Variants in TNFRSF19 observed in about 807,000 individuals in gnomAD.
TNFRSF19 encodes TNF receptor superfamily member 19.
A neutral mutation model predicts 46.4 loss-of-function variants in TNFRSF19; 27 were observed. The observed-to-expected ratio is 0.58, with a 90% CI of 0.43 to 0.80. The LOEUF (loss-of-function observed/expected upper bound fraction) is 0.80, where lower values mean the gene tolerates loss of function less well. TNFRSF19 is among the 30% of genes least tolerant of loss of function. The probability of loss-of-function intolerance (pLI) is 0.00; values close to 1 mark genes in which losing one functional copy is unlikely to be tolerated. For missense variants in TNFRSF19, 511 were observed against 530.8 expected, an observed-to-expected ratio of 0.96 and a Z score of 0.37; for synonymous variants, 204 against 205.0, an observed-to-expected ratio of 1.00 and a Z score of 0.04.
At chr13:23,629,364 C>T (rs1406497970) in intron 5 of TNFRSF19, among the ~76,000 whole-genome samples, 1 of 152,198 alleles carries the variant, frequency 6.6e-6, no homozygotes, top group Non-Finnish European at 1.5e-5. Context: ...GCTGCATGCT[C>T]TACAGCAGCT....
chr13:23,570,655 T>C lies in TNFRSF19; in HGVS notation c.-228T>C, dbSNP rs540157805. ...CATATATATAAACTCAGCCCTGCCT[T>C]TGATGTTCAGCAACTGATTCACTGA... is the stretch of plus-strand genomic sequence containing the variant. On this transcript the variant is annotated 5_prime_UTR_variant, in exon 1 of 10. Coordinates refer to ENST00000248484, the MANE Select transcript of TNFRSF19 (RefSeq NM_148957.4). The C allele has an allele frequency of 1.3e-5, 2 of 152,240 alleles. No homozygotes were observed. Among genetic ancestry groups the C allele is most frequent in the Admixed American group, 6.6e-5 (1 of 15,258 alleles). 9.4% of individuals were successfully genotyped at this position (152,240 alleles called of 1,614,324 possible). A position where few individuals can be genotyped will look rare whatever the true frequency, so the allele number is the denominator to read the frequency against.
At chr13:23,610,439 GA>G (rs1880816253) in intron 3 of TNFRSF19, among the ~76,000 whole-genome samples, 1 of 152,200 alleles carries the variant, frequency 6.6e-6, no homozygotes, top group Non-Finnish European at 1.5e-5. Flanking sequence ...TAGCCCAGCT[GA>G]ACCCAGCCCT....
intron 1 of TNFRSF19, among the ~76,000 whole-genome samples, chr13:23,586,302 C>CA (rs1878835688): frequency 6.8e-6 from 1 of 146,384 alleles, no homozygotes; most frequent in Non-Finnish European, 1.5e-5. Flanking sequence ...CCAGATGCAA[C>CA]AAAAAGGCTA....
chr13:23,647,563 A>T (rs1883405999), intron 5 of TNFRSF19, among the ~76,000 whole-genome samples: 1 of 151,710 alleles, frequency 6.6e-6, no homozygotes. Flanking sequence ...CACCATGCCC[A>T]GCTACATTTT....
At chr13:23,622,144 C>T (rs1029167179) in intron 4 of TNFRSF19, among the ~76,000 whole-genome samples, 5 of 152,124 alleles carry the variant, frequency 3.3e-5, no homozygotes, top group Non-Finnish European at 5.9e-5. Flanking sequence ...GTGGTCACAC[C>T]TGTAATCCCA....
intron 3 of TNFRSF19, among the ~76,000 whole-genome samples, chr13:23,602,513 A>G (rs183268176): frequency 2.2e-4 from 33 of 152,244 alleles, no homozygotes; most frequent in Admixed American, 1.5e-3. Context: ...TCAACTGGAT[A>G]TAACTGACAC....
chr13:23,604,844 C>T (rs1010654673), intron 3 of TNFRSF19, among the ~76,000 whole-genome samples: 1 of 152,122 alleles, frequency 6.6e-6, no homozygotes, highest in Non-Finnish European at 1.5e-5. Context: ...AGGTCACAGA[C>T]CTAACTGTAA....
At chr13:23,648,896 T>G (rs1022442137) in intron 5 of TNFRSF19, among the ~76,000 whole-genome samples, 2 of 152,224 alleles carry the variant, frequency 1.3e-5, no homozygotes, top group Non-Finnish European at 2.9e-5. Flanking sequence ...TTTTGTATGA[T>G]TAACTACCAT....
intron 5 of TNFRSF19, among the ~76,000 whole-genome samples, chr13:23,629,265 T>C (rs1002664065): frequency 1.3e-5 from 2 of 152,228 alleles, no homozygotes; most frequent in Non-Finnish European, 2.9e-5. Context: ...GCAAGAACTC[T>C]CTGGAACCAG....
intron 3 of TNFRSF19, chr13:23,594,194 G>A (rs1245414399): frequency 2.2e-6 from 1 of 450,548 alleles, no homozygotes; most frequent in Non-Finnish European, 4.4e-6. Context: ...CAGACACTGA[G>A]CTAGCTGCAG....
chr13:23,640,229 G>C (rs560131654), intron 5 of TNFRSF19, among the ~76,000 whole-genome samples: 10 of 152,180 alleles, frequency 6.6e-5, no homozygotes, highest in African/African-American at 2.2e-4. Flanking sequence ...AACCAGTCCC[G>C]TATCTCCACA....
chr13:23,601,464 A>G (rs982532081), intron 3 of TNFRSF19, among the ~76,000 whole-genome samples: 2 of 152,230 alleles, frequency 1.3e-5, no homozygotes, highest in Admixed American at 6.5e-5. Context: ...TAGACCTGCC[A>G]TGTAAGAAAT....
intron 1 of TNFRSF19, among the ~76,000 whole-genome samples, chr13:23,579,832 ATCTGCTTGTGAGGC>A (rs1217194903): frequency 1.3e-5 from 2 of 151,688 alleles, no homozygotes; most frequent in Non-Finnish European, 2.9e-5. Flanking sequence ...TTGTAAATAG[ATCTGCTTGTGAGGC>A]TCACGACTGG....
intron 3 of TNFRSF19, among the ~76,000 whole-genome samples, chr13:23,600,171 A>G (rs1880031942): frequency 6.6e-6 from 1 of 152,162 alleles, no homozygotes; most frequent in Admixed American, 6.5e-5. Flanking sequence ...TTAAGAAATC[A>G]TTTTTCCATT....
At chr13:23,669,964 A>G (rs1343822857) in intron 9 of TNFRSF19, among the ~76,000 whole-genome samples, 1 of 152,182 alleles carries the variant, frequency 6.6e-6, no homozygotes. Context: ...TCTGCCCCAC[A>G]AAGAGGTTGC....
rs147934921 is a variant in TNFRSF19, at chr13:23,650,850, C to T, written c.446-8200C>T. 2.3e-3 allele frequency among the ~76,000 whole-genome samples: 347 copies of T among 152,212 alleles called. 3 individuals carry two copies. Among genetic ancestry groups the T allele is most frequent in the African/African-American group, 8.0e-3 (334 of 41,532 alleles). Reference sequence around the variant, plus strand: ...TGGTTATTGAAAAAGAAACATAGTCCTAAGACTAAAGTCTAAAATATAAAA... The same window carrying T: ...TGGTTATTGAAAAAGAAACATAGTCTTAAGACTAAAGTCTAAAATATAAAA... On this transcript the variant is annotated intron_variant, in intron 5 of 9. Transcript: ENST00000248484.
intron 5 of TNFRSF19, among the ~76,000 whole-genome samples, chr13:23,655,529 T>C (rs532171006): frequency 6.6e-6 from 1 of 152,334 alleles, no homozygotes; most frequent in East Asian, 1.9e-4. Context: ...CTGGCTGGCA[T>C]TCAGTCTGCT....
Position 23,653,417 on chromosome 13 carries a change from T to C in TNFRSF19, c.446-5633T>C, listed in dbSNP as rs562324455. Among the ~76,000 whole-genome samples, 7 of 152,280 alleles carry C rather than the reference T, an allele frequency of 4.6e-5. No individual in the cohort carries two copies. In the South Asian group the frequency reaches 1.4e-3, roughly 32 times the overall value. On this transcript the variant is annotated intron_variant, in intron 5 of 9. Coordinates refer to ENST00000248484, the MANE Select transcript of TNFRSF19 (RefSeq NM_148957.4). ...GACAGTGAACCAAACAAGTAAAGTA[T>C]ACAAAATGTCAGATGATCGTCAGTG...
chr13:23,662,913 T>C (rs1884459713), intron 7 of TNFRSF19, among the ~76,000 whole-genome samples: 1 of 152,240 alleles, frequency 6.6e-6, no homozygotes, highest in Non-Finnish European at 1.5e-5. Context: ...AAGAAGCTTT[T>C]GGGCAGAGAC....
Sources: gnomAD v4.1 joint callset for allele counts (sites outside exome capture counted in the v4.1 genomes callset) on GRCh38, gnomAD v4.1.1 for gene constraint, MANE v1.5 for transcripts, NCBI Gene and HGNC (gene_info 2026-07-23, HGNC 2026-07-21) for gene names.